CCDC18: variants seen among roughly 807,000 people sequenced by gnomAD.
CCDC18 encodes the protein coiled-coil domain containing 18, also known as coiled-coil domain-containing protein 18.
A neutral mutation model predicts 196.0 loss-of-function variants in CCDC18; 157 were observed. The observed-to-expected ratio is 0.80, with a 90% CI of 0.70 to 0.91. The LOEUF is 0.91. Among genes scored for constraint, CCDC18 ranks in the 40% least tolerant of loss-of-function variants. The pLI, the probability that CCDC18 is intolerant of heterozygous loss-of-function variation, is 0.00. For missense variants in CCDC18, 1,465 were observed against 1,611.6 expected (o/e 0.91, Z 1.56); for synonymous variants, 482 against 529.2 (o/e 0.91, Z 1.22).
chr1:93,183,545 A>C (rs746277509), intron 2 of CCDC18, 50 bp downstream of exon 2: 2 of 1,277,984 alleles, frequency 1.6e-6, no homozygotes, highest in Non-Finnish European at 2.1e-6. Context: ...AAATACATCA[A>C]TGTAAAATGT....
chr1:93,250,392 A>G (rs914974652), intron 23 of CCDC18, among the ~76,000 whole-genome samples: 2 of 151,466 alleles, frequency 1.3e-5, no homozygotes, highest in East Asian at 3.9e-4. Context: ...AAAAAAAAAA[A>G]AAAAAGAAAA....
intron 16 of CCDC18, 32 bp downstream of exon 16, chr1:93,221,968 T>C: frequency 7.2e-7 from 1 of 1,392,280 alleles, no homozygotes; most frequent in Non-Finnish European, 9.8e-7. Flanking sequence ...TTTTCTTTCT[T>C]TCCTTTTTTT....
Position 93,214,777 on chromosome 1 carries a change from G to T in CCDC18, c.1530G>T (p.Met510Ile). 4 of 1,612,376 alleles carry T rather than the reference G, an allele frequency of 2.5e-6. No individual in the cohort carries two copies. Among genetic ancestry groups the T allele is most frequent in the East Asian group, 2.2e-5 (1 of 44,756 alleles). ...TAAAAGATCAAAATCAACATACTAT[G>T]AACAAGCAATATGAAAAAGAGAGGC... ...ESVKDQNQHT[M>I]NKQYEKERQR... Residue 510 changes from methionine (M) to isoleucine (I), a missense_variant, in exon 12 of 29, where the codon ATG (methionine) becomes ATT (isoleucine). Coordinates refer to ENST00000690025, the MANE Select transcript of CCDC18 (RefSeq NM_001378204.1).
At chr1:93,259,940 TATAA>T (rs1400039695) in intron 26 of CCDC18, among the ~76,000 whole-genome samples, 23 of 152,338 alleles carry the variant, frequency 1.5e-4, no homozygotes, top group African/African-American at 5.5e-4. Context: ...CACCTGAAAT[TATAA>T]ATAGATTGTA....
At chr1:93,190,892 G>A in intron 4 of CCDC18, 1 of 738,120 alleles carries the variant, frequency 1.4e-6, no homozygotes, top group Middle Eastern at 3.2e-4. Context: ...GCCTTTTTCT[G>A]GAAAATCTAC....
At position 93,278,443 on chromosome 1, in the gene CCDC18, A is replaced by C; in HGVS notation, c.4354-20A>C. The C allele has an allele frequency of 9.8e-7, 1 of 1,021,078 alleles. No individual in the cohort carries two copies. Among genetic ancestry groups the C allele is most frequent in the Non-Finnish European group, 1.4e-6 (1 of 717,944 alleles). The allele number at this position is 1,021,078 out of a possible 1,614,324, so 63.3% of individuals were successfully genotyped here. A position where few individuals can be genotyped will look rare whatever the true frequency, so the allele number is the denominator to read the frequency against. ...TTAGGAATATTTCAAATATTAATCT[A>C]TTATTTTGCATTATTCTAGGGAGAA... On this transcript the variant is annotated intron_variant, in intron 28 of 28. Transcript: ENST00000690025.
At chr1:93,219,441 T>G (rs60458375) in intron 14 of CCDC18, among the ~76,000 whole-genome samples, 13,282 of 152,220 alleles carry the variant, frequency 0.087, 653 homozygotes, top group African/African-American at 0.12. Flanking sequence ...ATCACTACTC[T>G]TTTGCTTTGG....
chr1:93,212,890 TC>T lies in CCDC18; in HGVS notation c.1495+630del, dbSNP rs1366986226. ...GATGTTGAAATAATTATACAACTCATCGTAATGTAGAATCAGTGGTAGCCCT... is the reference window on the plus strand; with the variant it reads ...GATGTTGAAATAATTATACAACTCATGTAATGTAGAATCAGTGGTAGCCCT... On this transcript the variant is annotated intron_variant, in intron 11 of 28. Coordinates refer to ENST00000690025, the MANE Select transcript of CCDC18 (RefSeq NM_001378204.1). Among the ~76,000 whole-genome samples the T allele has an allele frequency of 3.9e-5, 6 of 152,172 alleles. No homozygotes were observed. The South Asian group carries it at 1.2e-3, about 32-fold the overall frequency.
intron 19 of CCDC18, among the ~76,000 whole-genome samples, chr1:93,238,034 CTT>C (rs150127600): frequency 0.029 from 4,417 of 152,180 alleles, 188 homozygotes; most frequent in Admixed American, 0.13. Flanking sequence ...CCTAATGAAA[CTT>C]TGAGGCATAT....
At chr1:93,243,691 G>A (rs752188901) in intron 21 of CCDC18, among the ~76,000 whole-genome samples, 16 of 152,094 alleles carry the variant, frequency 1.1e-4, no homozygotes, top group Middle Eastern at 3.2e-3. Context: ...TCATCTCTCC[G>A]AAGTTCAAAA....
intron 18 of CCDC18, among the ~76,000 whole-genome samples, chr1:93,233,043 T>C (rs575511240): frequency 1.3e-5 from 2 of 152,324 alleles, no homozygotes; most frequent in East Asian, 3.9e-4. Flanking sequence ...TATTGTAAAA[T>C]AAAGTTCTAT....
chr1:93,180,529 C>A, upstream of CCDC18: 1 of 1,518,554 alleles, frequency 6.6e-7, no homozygotes, highest in Non-Finnish European at 8.9e-7. Context: ...CCTCCGGTTC[C>A]CATGGCTTCC....
chr1:93,213,403 TTCTC>T (rs1265196619), intron 11 of CCDC18, among the ~76,000 whole-genome samples: 174 of 149,048 alleles, frequency 1.2e-3, no homozygotes, highest in African/African-American at 4.1e-3. Flanking sequence ...AGGCTTAATT[TTCTC>T]TCTTTTTTTT....
intron 17 of CCDC18, among the ~76,000 whole-genome samples, chr1:93,227,218 G>A (rs1440053348): frequency 4.0e-5 from 5 of 124,456 alleles, no homozygotes; most frequent in African/African-American, 1.3e-4. Flanking sequence ...TTGCTCTGTC[G>A]CCCAGGCTCG....
intron 14 of CCDC18, among the ~76,000 whole-genome samples, chr1:93,219,202 C>T (rs972532549): frequency 6.6e-6 from 1 of 152,204 alleles, no homozygotes; most frequent in Non-Finnish European, 1.5e-5. Context: ...AGCACTTACG[C>T]ATTGTGGTTG....
intron 23 of CCDC18, among the ~76,000 whole-genome samples, chr1:93,252,936 G>A (rs1662461051): frequency 6.6e-6 from 1 of 152,252 alleles, no homozygotes. Context: ...AAGGGGTCAA[G>A]TTGCGTACTA....
chr1:93,275,785 C>A (rs762486060), intron 28 of CCDC18, among the ~76,000 whole-genome samples: 1 of 152,166 alleles, frequency 6.6e-6, no homozygotes, highest in South Asian at 2.1e-4. Context: ...CCTCTTAATT[C>A]GTTCACTGCC....
chr1:93,206,303 G>A (rs750764377), intron 8 of CCDC18, among the ~76,000 whole-genome samples: 4 of 152,072 alleles, frequency 2.6e-5, no homozygotes, highest in Non-Finnish European at 4.4e-5. Flanking sequence ...CTTTTTACTA[G>A]AGTATTTTTT....
intron 21 of CCDC18, among the ~76,000 whole-genome samples, chr1:93,244,073 A>G (rs960672559): frequency 1.3e-5 from 2 of 152,166 alleles, no homozygotes; most frequent in African/African-American, 2.4e-5. Flanking sequence ...AGACTGCACA[A>G]TTTACAAAAG....
Sources: gnomAD v4.1 joint callset for allele counts (sites outside exome capture counted in the v4.1 genomes callset) on GRCh38, gnomAD v4.1.1 for gene constraint, MANE v1.5 for transcripts, NCBI Gene and HGNC (gene_info 2026-07-23, HGNC 2026-07-21) for gene names.